The following SDK1 variants were observed in gnomAD, a reference collection of about 807,000 sequenced individuals.
SDK1 encodes the protein protein sidekick-1.
In SDK1, 157 loss-of-function variants were observed where a neutral mutation model predicts 245.5. The observed-to-expected ratio is 0.64, with a 90% CI of 0.56 to 0.73. The LOEUF (loss-of-function observed/expected upper bound fraction) is 0.73. Ranked by LOEUF, SDK1 falls within the 30% of genes least tolerant of loss-of-function variation. The pLI, the probability that SDK1 is intolerant of heterozygous loss-of-function variation, is 0.00. For synonymous variants in SDK1, 1,647 were observed against 1,278.5 expected, an observed-to-expected ratio of 1.29 and a Z score of -6.15; for missense variants, 3,583 against 3,002.3, an observed-to-expected ratio of 1.19 and a Z score of -4.52.
At chr7:3,525,882 A>G (rs987856156) in intron 1 of SDK1, among the ~76,000 whole-genome samples, 15 of 152,180 alleles carry the variant, frequency 9.9e-5, no homozygotes, top group African/African-American at 2.7e-4. Context: ...CATTTTACCA[A>G]GCACTTAAAA....
At chr7:4,248,341 T>TGCATGCACAC (rs1554268805) in intron 44 of SDK1, among the ~76,000 whole-genome samples, 2 of 123,200 alleles carry the variant, frequency 1.6e-5, no homozygotes, top group Non-Finnish European at 3.7e-5. Context: ...TACACCTGAA[T>TGCATGCACAC]ACATGCACAC....
At chr7:4,187,871 ATGC>A (rs1322643821) in intron 35 of SDK1, among the ~76,000 whole-genome samples, 2 of 152,224 alleles carry the variant, frequency 1.3e-5, no homozygotes, top group Admixed American at 6.5e-5. Context: ...ATTGGTTTTC[ATGC>A]TGCTGATAAA....
chr7:3,684,915 C>G (rs1242575076), intron 4 of SDK1, among the ~76,000 whole-genome samples: 1 of 152,000 alleles, frequency 6.6e-6, no homozygotes, highest in Non-Finnish European at 1.5e-5. Flanking sequence ...AACTTGAGGA[C>G]AGGTCAAGAA....
At chr7:4,167,259 G>A (rs529171238) in intron 32 of SDK1, among the ~76,000 whole-genome samples, 106 of 152,112 alleles carry the variant, frequency 7.0e-4, no homozygotes, top group African/African-American at 2.1e-3. Flanking sequence ...GCGTGGTGGC[G>A]GGCACCTATA....
chr7:3,550,525 CTG>C (rs1779368101), intron 1 of SDK1, among the ~76,000 whole-genome samples: 1 of 152,206 alleles, frequency 6.6e-6, no homozygotes, highest in African/African-American at 2.4e-5. Context: ...CCTGTGCTGA[CTG>C]TCTGCAGTGT....
At position 4,129,914 on chromosome 7, in the gene SDK1, T is replaced by A. The variant is rs1784681642; in HGVS notation, c.3946T>A (p.Phe1316Ile). The change falls in exon 27 of 45, where the codon TTC (phenylalanine) becomes ATC (isoleucine). Residue 1316 changes from phenylalanine (F) to isoleucine (I), a missense_variant. By Grantham distance (21) the Phe-to-Ile change is conservative. Transcript: ENST00000404826. ...TGCTGTGTCGATACCACAGATCCTG[T>A]TCCGGGCCAAAGACCTGGATCCCGA... ...NGLILGYKILFRAKDLDPEPR... is the reference protein window; with the variant it reads ...NGLILGYKILIRAKDLDPEPR... 2 of 1,613,592 alleles carry A rather than the reference T, an allele frequency of 1.2e-6. No homozygotes were observed. The highest frequency in any genetic ancestry group is 1.3e-5 in the African/African-American group (1 of 75,064).
chr7:4,232,872 A>G (rs1231261960), intron 40 of SDK1: 1 of 158,838 alleles, frequency 6.3e-6, no homozygotes. Flanking sequence ...TCTATGTCTG[A>G]TTTTAATTTT....
intron 1 of SDK1, among the ~76,000 whole-genome samples, chr7:3,461,960 A>G (rs553161228): frequency 6.6e-6 from 1 of 152,200 alleles, no homozygotes; most frequent in South Asian, 2.1e-4. Flanking sequence ...AAGCATGTTC[A>G]AGACTCTTCT....
chr7:4,005,297 G>A (rs966116267), intron 14 of SDK1, among the ~76,000 whole-genome samples: 10 of 151,602 alleles, frequency 6.6e-5, no homozygotes, highest in Middle Eastern at 6.8e-3. Context: ...CACCTGCCTC[G>A]GCCTCCCAAA....
intron 39 of SDK1, among the ~76,000 whole-genome samples, chr7:4,220,831 G>A (rs1333198614): frequency 6.6e-6 from 1 of 152,008 alleles, no homozygotes; most frequent in Admixed American, 6.5e-5. Flanking sequence ...GAGTGCAGCA[G>A]CATGATCATA....
chr7:3,571,877 G>A (rs1010114069), intron 1 of SDK1, among the ~76,000 whole-genome samples: 3 of 151,850 alleles, frequency 2.0e-5, no homozygotes, highest in African/African-American at 7.3e-5. Flanking sequence ...AAAGCTAATC[G>A]GTATATTTCT....
At chr7:3,394,982 G>A (rs1463354550) in intron 1 of SDK1, among the ~76,000 whole-genome samples, 5 of 151,898 alleles carry the variant, frequency 3.3e-5, no homozygotes, top group Non-Finnish European at 7.4e-5. Flanking sequence ...TTTACAAACC[G>A]AATGTCTTTT....
In SDK1 at chr7:3,810,814, AC is replaced by A. The variant is rs1779365420; in HGVS notation, c.714-10635del. Among the ~76,000 whole-genome samples the A allele has an allele frequency of 2.6e-5, 4 of 152,204 alleles. No individual in the cohort carries two copies. The South Asian group carries it at 8.3e-4, about 32-fold the overall frequency. ...CTAAAGTCTTGTAAAGTGGATTTTAACGTTCGTGGCATCTGGGTGGAAGTAT... is the reference window on the plus strand; with the variant it reads ...CTAAAGTCTTGTAAAGTGGATTTTAAGTTCGTGGCATCTGGGTGGAAGTAT... On this transcript the variant is annotated intron_variant, in intron 4 of 44. Coordinates refer to ENST00000404826, the MANE Select transcript of SDK1 (RefSeq NM_152744.4).
At chr7:3,655,562 T>C (rs552043607) in intron 4 of SDK1, among the ~76,000 whole-genome samples, 44 of 146,582 alleles carry the variant, frequency 3.0e-4, no homozygotes, top group African/African-American at 1.1e-3. Context: ...CTGTCTTATA[T>C]ATCTGTCTAT....
intron 1 of SDK1, among the ~76,000 whole-genome samples, chr7:3,316,688 C>T (rs1486981578): frequency 6.6e-6 from 1 of 152,192 alleles, no homozygotes; most frequent in African/African-American, 2.4e-5. Context: ...GGCCATTTTT[C>T]TGCCATGTCA....
At chr7:3,959,619 C>G (rs953776920) in intron 8 of SDK1, among the ~76,000 whole-genome samples, 1 of 152,222 alleles carries the variant, frequency 6.6e-6, no homozygotes, top group Non-Finnish European at 1.5e-5. Flanking sequence ...CACTCTGCAT[C>G]CATGTGCACA....
At chr7:3,615,525 A>G (rs750547014) in intron 1 of SDK1, among the ~76,000 whole-genome samples, 9 of 151,812 alleles carry the variant, frequency 5.9e-5, no homozygotes, top group African/African-American at 1.4e-4. Context: ...ACATTCCTGC[A>G]TCAGACCTAG....
intron 5 of SDK1, among the ~76,000 whole-genome samples, chr7:3,915,580 G>A (rs753928786): frequency 6.6e-6 from 1 of 152,094 alleles, no homozygotes; most frequent in Non-Finnish European, 1.5e-5. Context: ...ATGATGGTGG[G>A]GCCTCCCCAG....
intron 4 of SDK1, among the ~76,000 whole-genome samples, chr7:3,782,460 CAGGAAGCAG>C (rs1780775789): frequency 6.6e-6 from 1 of 152,148 alleles, no homozygotes; most frequent in Non-Finnish European, 1.5e-5. Context: ...AACCCAAGTA[CAGGAAGCAG>C]AGTTCTCCAA....
Sources: gnomAD v4.1 joint callset for allele counts (sites outside exome capture counted in the v4.1 genomes callset) on GRCh38, gnomAD v4.1.1 for gene constraint, MANE v1.5 for transcripts, NCBI Gene and HGNC (gene_info 2026-07-23, HGNC 2026-07-21) for gene names.